The following RHOJ variants were observed in gnomAD, a reference collection of about 807,000 sequenced individuals.
RHOJ encodes rho-related GTP-binding protein RhoJ.
RHOJ carries 11 observed loss-of-function variants against 23.4 expected under a neutral mutation model. The ratio of observed to expected loss-of-function variants is 0.47; its 90% CI spans 0.30 to 0.78. RHOJ has a LOEUF of 0.78. Ranked by LOEUF, RHOJ falls within the 30% of genes least tolerant of loss-of-function variation. The pLI is 0.08. For missense variants in RHOJ, 254 were observed against 273.4 expected (o/e 0.93, Z 0.50); for synonymous variants, 102 against 102.7 (o/e 0.99, Z 0.04).
At chr14:63,267,504 G>T (rs1000478576) in intron 1 of RHOJ, among the ~76,000 whole-genome samples, 17 of 152,318 alleles carry the variant, frequency 1.1e-4, no homozygotes, top group Admixed American at 8.5e-4. Flanking sequence ...CTCACCTAAG[G>T]TTCCATGCTG....
At chr14:63,282,187 C>G (rs1015429363) in intron 3 of RHOJ, among the ~76,000 whole-genome samples, 55 of 151,978 alleles carry the variant, frequency 3.6e-4, no homozygotes, top group African/African-American at 1.3e-3. Context: ...TCCCTGCTGC[C>G]AAATATGTGA....
chr14:63,267,029 A>T (rs1044597648), intron 1 of RHOJ, among the ~76,000 whole-genome samples: 2 of 152,142 alleles, frequency 1.3e-5, no homozygotes, highest in Non-Finnish European at 2.9e-5. Context: ...ATGCTTTACC[A>T]GGAAACCACT....
chr14:63,236,530 G>A (rs1358229858), intron 1 of RHOJ, among the ~76,000 whole-genome samples: 1 of 152,136 alleles, frequency 6.6e-6, no homozygotes, highest in Non-Finnish European at 1.5e-5. Context: ...CAGATCTCAT[G>A]AGACTCATTC....
chr14:63,257,676 C>T (rs1441401842), intron 1 of RHOJ, among the ~76,000 whole-genome samples: 1 of 149,382 alleles, frequency 6.7e-6, no homozygotes, highest in Non-Finnish European at 1.5e-5. Flanking sequence ...CCACCCCATC[C>T]TTCTCCCCTG....
chr14:63,247,585 T>C (rs1894998442), intron 1 of RHOJ, among the ~76,000 whole-genome samples: 2 of 152,196 alleles, frequency 1.3e-5, no homozygotes, highest in African/African-American at 4.8e-5. Flanking sequence ...CTATCCTTAT[T>C]CCCACTTATG....
At chr14:63,279,957 A>T (rs1881846720) in intron 2 of RHOJ, among the ~76,000 whole-genome samples, 1 of 152,192 alleles carries the variant, frequency 6.6e-6, no homozygotes. Flanking sequence ...TTCCAACATG[A>T]TGGAAGAATT....
At chr14:63,275,307 C>A (rs543668601) in intron 2 of RHOJ, among the ~76,000 whole-genome samples, 79 of 152,228 alleles carry the variant, frequency 5.2e-4, no homozygotes, top group African/African-American at 1.8e-3. Context: ...GAGACCCAAT[C>A]TCAAAACAAA....
intron 1 of RHOJ, among the ~76,000 whole-genome samples, chr14:63,211,466 A>T (rs1358613877): frequency 1.3e-5 from 2 of 151,868 alleles, no homozygotes; most frequent in African/African-American, 4.8e-5. Context: ...CTTCATCTCT[A>T]AAAAAAAATT....
At chr14:63,206,605 T>G (rs1350714561) in intron 1 of RHOJ, among the ~76,000 whole-genome samples, 1 of 152,292 alleles carries the variant, frequency 6.6e-6, no homozygotes, top group East Asian at 1.9e-4. Flanking sequence ...CTATGAAACT[T>G]ATGTATCCAA....
At chr14:63,229,773 T>C (rs1334477398) in intron 1 of RHOJ, among the ~76,000 whole-genome samples, 1 of 152,222 alleles carries the variant, frequency 6.6e-6, no homozygotes, top group African/African-American at 2.4e-5. Context: ...AATCTCCTTA[T>C]CTTAAGGGCA....
chr14:63,204,608 A>T lies in RHOJ; in HGVS notation c.-262A>T, dbSNP rs187073904. On this transcript the variant is annotated 5_prime_UTR_variant, in exon 1 of 5. Transcript: ENST00000316754. ...TTAGGAAGCCCCTCGAATTCTGTGA[A>T]AATGAGGGTTTCTTAACTCACACTG... 1.0e-4 allele frequency: 51 copies of T among 500,668 alleles called. No individual in the cohort carries two copies. The East Asian group carries it at 1.6e-3, about 16-fold the overall frequency. The allele number at this position is 500,668 out of a possible 1,614,324, so 31.0% of individuals were successfully genotyped here.
rs141355215 is a variant in RHOJ at position 63,222,183 on chromosome 14, C to T, written c.178+17136C>T. 4.0e-3 allele frequency among the ~76,000 whole-genome samples: 602 copies of T among 152,128 alleles called. 13 individuals are homozygous for T. The East Asian group carries it at 0.054, about 14-fold the overall frequency. On this transcript the variant is annotated intron_variant, in intron 1 of 4. Transcript: ENST00000316754. ...CCTTATTTATGGCTGCATAGTATTC[C>T]ATGGTGTATATGTACCACATTTTCT...
chr14:63,275,463 C>T (rs1305167457), intron 2 of RHOJ, among the ~76,000 whole-genome samples: 1 of 152,146 alleles, frequency 6.6e-6, no homozygotes, highest in African/African-American at 2.4e-5. Flanking sequence ...AGGTGTTTGG[C>T]GCATCTGATG....
chr14:63,277,460 C>T (rs1881755131), intron 2 of RHOJ, among the ~76,000 whole-genome samples: 1 of 152,168 alleles, frequency 6.6e-6, no homozygotes, highest in African/African-American at 2.4e-5. Flanking sequence ...TCTAATTTAG[C>T]TGGTTCCAGA....
At chr14:63,244,899 C>T (rs2139634711) in intron 1 of RHOJ, among the ~76,000 whole-genome samples, 1 of 152,262 alleles carries the variant, frequency 6.6e-6, no homozygotes, top group East Asian at 1.9e-4. Flanking sequence ...TGATTGTGTC[C>T]ACTCACACAT....
At chr14:63,208,622 C>T (rs1413828778) in intron 1 of RHOJ, among the ~76,000 whole-genome samples, 5 of 152,148 alleles carry the variant, frequency 3.3e-5, no homozygotes, top group East Asian at 1.9e-4. Flanking sequence ...CACTCAACAG[C>T]AAATCTTTCT....
intron 1 of RHOJ, among the ~76,000 whole-genome samples, chr14:63,215,364 A>G (rs945201532): frequency 6.6e-6 from 1 of 152,226 alleles, no homozygotes; most frequent in African/African-American, 2.4e-5. Context: ...AGCTGTTTTA[A>G]TACAAACTGG....
Position 63,281,125 on chromosome 14 carries a change from T to C in RHOJ, c.392T>C (p.Ile131Thr), listed in dbSNP as rs755046259. 6.6e-5 allele frequency: 107 copies of C among 1,609,904 alleles called. No homozygotes were observed. The highest frequency in any genetic ancestry group is 8.4e-5 in the Non-Finnish European group (99 of 1,178,630). The change falls in exon 3 of 5, where the codon ATA becomes ACA. Residue 131 changes from isoleucine (I) to threonine (T), a missense_variant. Transcript: ENST00000316754. ...ATGCCTCACGTGCCTTATGTCCTCA[T>C]AGGGACCCAGGTTAAAATGTGGGCG... ...DCMPHVPYVL[I>T]GTQIDLRDDP...
chr14:63,278,516 T>A (rs1344471914), intron 2 of RHOJ, among the ~76,000 whole-genome samples: 2 of 152,134 alleles, frequency 1.3e-5, no homozygotes, highest in Non-Finnish European at 2.9e-5. Flanking sequence ...CATGGTGGTT[T>A]GCTGCACCCA....
Sources: gnomAD v4.1 joint callset for allele counts (sites outside exome capture counted in the v4.1 genomes callset) on GRCh38, gnomAD v4.1.1 for gene constraint, MANE v1.5 for transcripts, NCBI Gene and HGNC (gene_info 2026-07-23, HGNC 2026-07-21) for gene names.